Variants in POLI observed in about 807,000 individuals in gnomAD.
POLI encodes the protein DNA polymerase iota.
Under a neutral mutation model 51.6 loss-of-function variants are expected in POLI, and 58 were observed. The observed-to-expected ratio is 1.12, with a 90% CI of 0.91 to 1.40. The LOEUF (loss-of-function observed/expected upper bound fraction) is 1.40, where lower values mean the gene tolerates loss of function less well. POLI is among the 40% of genes most tolerant of loss of function. The pLI is 0.00. For synonymous variants in POLI, 322 were observed against 299.7 expected, an observed-to-expected ratio of 1.07 and a Z score of -0.77; for missense variants, 921 against 871.3, an observed-to-expected ratio of 1.06 and a Z score of -0.72.
rs56194043 is a variant in POLI at position 54,283,918 on chromosome 18, A to G, written c.976-4A>G. On this transcript the variant is annotated splice_region_variant and splice_polypyrimidine_tract_variant and intron_variant, in intron 6 of 9. Coordinates refer to ENST00000579534, the MANE Select transcript of POLI (RefSeq NM_007195.3). ...GCTAATCCTTATTTATGCTTCTTTG[A>G]TAGTCCTTTAGTGAAGAAGATTCAT... 1.5e-4 allele frequency: 170 copies of G among 1,143,012 alleles called. 2 individuals carry two copies. In the East Asian group the frequency reaches 3.8e-3, roughly 25 times the overall value. 70.8% of individuals were successfully genotyped at this position (1,143,012 alleles called of 1,614,324 possible). A position where few individuals can be genotyped will look rare whatever the true frequency, so the allele number is the denominator to read the frequency against.
chr18:54,280,754 T>C lies in POLI; in HGVS notation c.647T>C (p.Leu216Ser). Reference sequence around the variant, plus strand: ...ATGCGGGAAGCCATGTATAATCAGTTGGGGCTCACTGGCTGTGCTGGAGTG... The same window carrying C: ...ATGCGGGAAGCCATGTATAATCAGTCGGGGCTCACTGGCTGTGCTGGAGTG... ...AEMREAMYNQ[L>S]GLTGCAGVAS... is the part of the protein sequence containing the mutation. Residue 216 changes from leucine to serine, a missense_variant, in exon 5 of 10, where the codon TTG becomes TCG. Transcript: ENST00000579534. The C allele has an allele frequency of 6.2e-7, 1 of 1,613,888 alleles. No individual in the cohort carries two copies.
At chr18:54,290,121 C>G (rs2087934170) in intron 8 of POLI, among the ~76,000 whole-genome samples, 1 of 152,160 alleles carries the variant, frequency 6.6e-6, no homozygotes, top group East Asian at 1.9e-4. Context: ...AGAAGTTAAA[C>G]AAATTTACAA....
chr18:54,276,558 A>T (rs3730721), intron 3 of POLI, among the ~76,000 whole-genome samples: 1 of 152,130 alleles, frequency 6.6e-6, no homozygotes, highest in Non-Finnish European at 1.5e-5. Context: ...TGTTTTCTAC[A>T]TGTTACTTTG....
rs148677085 is a variant in POLI, at chr18:54,291,872, T to C, written c.1238T>C (p.Met413Thr). ...ATGACCCCAATGGTTGATATACTTA[T>C]GAAACTTTTTCGAAATATGGTGAAT... ...DVMTPMVDIL[M>T]KLFRNMVNVK... is the part of the protein sequence containing the mutation. Residue 413 changes from methionine (M) to threonine (T), a missense_variant, in exon 9 of 10, where the codon ATG becomes ACG. Met to Thr is a moderately conservative substitution (Grantham distance 81). Transcript: ENST00000579534. 27 of 1,605,102 alleles carry C rather than the reference T, an allele frequency of 1.7e-5. 1 individual carries two copies. The Middle Eastern group carries it at 7.0e-4, about 42-fold the overall frequency.
intron 4 of POLI, 96 bp downstream of exon 4, chr18:54,277,951 C>A: frequency 1.1e-6 from 1 of 929,238 alleles, no homozygotes; most frequent in South Asian, 1.8e-5. Flanking sequence ...AGATTCATGA[C>A]TTTTGTTGGA....
chr18:54,291,926 T>G lies in POLI; in HGVS notation c.1292T>G (p.Leu431Arg). Residue 431 changes from leucine (L) to arginine (R), a missense_variant, in exon 9 of 10, where the codon CTA becomes CGA. Leu to Arg is a moderately radical substitution (Grantham distance 102). Coordinates refer to ENST00000579534, the MANE Select transcript of POLI (RefSeq NM_007195.3). ...NVKMPFHLTL[L>R]SVCFCNLKAL... ...AAGATGCCATTTCACCTTACCCTTC[T>G]AAGTGTGTGCTTCTGCAACCTTAAA... 7.5e-6 allele frequency: 12 copies of G among 1,609,386 alleles called. No homozygotes were observed. The highest frequency in any genetic ancestry group is 1.0e-5 in the Non-Finnish European group (12 of 1,176,108).
chr18:54,312,161 A>G (rs1398851876), intron 3 of POLI, among the ~76,000 whole-genome samples: 1 of 152,064 alleles, frequency 6.6e-6, no homozygotes, highest in Non-Finnish European at 1.5e-5. Flanking sequence ...ACATCCATGC[A>G]TACCCAATGT....
rs140979738 is a variant in POLI at position 54,317,532 on chromosome 18, T to C, written c.334-2741T>C. On this transcript the variant is annotated intron_variant, in intron 3 of 4. Transcript: ENST00000579823. ...GACGAATTGAGTCCCAAAATAATCT[T>C]TAAGTGGTGGATAAATTTTAAAGCA... is the stretch of plus-strand genomic sequence containing the variant. Among the ~76,000 whole-genome samples, 3 of 152,230 alleles carry C rather than the reference T, an allele frequency of 2.0e-5. No individual in the cohort carries two copies. In the East Asian group the frequency reaches 5.8e-4, roughly 29 times the overall value.
rs1050229440 is a variant in POLI at position 54,295,328 on chromosome 18, T to C, written c.*861T>C. On this transcript the variant is annotated 3_prime_UTR_variant, in exon 10 of 10. Coordinates refer to ENST00000579534, the MANE Select transcript of POLI (RefSeq NM_007195.3). ...ATTAGGTTGTCATAACAACCACAAATATAGACCATTACTAAATTGGTGGAT... is the reference window on the plus strand; with the variant it reads ...ATTAGGTTGTCATAACAACCACAAACATAGACCATTACTAAATTGGTGGAT... 2.0e-6 allele frequency: 2 copies of C among 984,918 alleles called. No homozygotes were observed. Among genetic ancestry groups the C allele is most frequent in the East Asian group, 1.1e-4 (1 of 8,828 alleles). 61.0% of individuals were successfully genotyped at this position (984,918 alleles called of 1,614,324 possible).
downstream of POLI, among the ~76,000 whole-genome samples, chr18:54,301,139 C>T (rs759954347): frequency 2.0e-5 from 3 of 151,964 alleles, no homozygotes; most frequent in South Asian, 2.1e-4. Flanking sequence ...AGTAGCTGGG[C>T]GTGGTGGCGG....
intron 7 of POLI, chr18:54,284,791 A>G (rs932785965): frequency 2.0e-5 from 3 of 152,252 alleles, no homozygotes; most frequent in Admixed American, 2.0e-4. Context: ...GGTTATAAAT[A>G]TATGAGTAGT....
At position 54,277,820 on chromosome 18, in the gene POLI, C is replaced by T. The variant is rs140298800; in HGVS notation, c.524C>T (p.Ala175Val). 43 of 1,612,352 alleles carry T rather than the reference C, an allele frequency of 2.7e-5. No individual in the cohort carries two copies. The highest frequency in any genetic ancestry group is 2.5e-4 in the East Asian group (11 of 44,852). The part of the protein sequence containing the change: ...LQQLQSDELS[A>V]VTVSGHVYNN... ...CAGCTGCAAAGTGATGAACTTTCTGCGGTGACTGTGTCGGGTCATGTATAC... is the reference window on the plus strand; with the variant it reads ...CAGCTGCAAAGTGATGAACTTTCTGTGGTGACTGTGTCGGGTCATGTATAC... Residue 175 changes from alanine to valine, a missense_variant, in exon 4 of 10, where the codon GCG becomes GTG. Ala to Val is a moderately conservative substitution (Grantham distance 64). Coordinates refer to ENST00000579534, the MANE Select transcript of POLI (RefSeq NM_007195.3).
intron 7 of POLI, 47 bp from the exon 8 acceptor site, chr18:54,287,234 G>C: frequency 7.3e-7 from 1 of 1,360,570 alleles, no homozygotes; most frequent in Non-Finnish European, 1.0e-6. Flanking sequence ...AATTTAAAAA[G>C]GTAATACTTT....
intron 5 of POLI, among the ~76,000 whole-genome samples, chr18:54,281,964 T>C (rs969942901): frequency 6.6e-6 from 1 of 152,142 alleles, no homozygotes; most frequent in Non-Finnish European, 1.5e-5. Flanking sequence ...AAATAGCCTG[T>C]TTTCTCTTGT....
At chr18:54,281,253 T>G (rs2144513741) in intron 5 of POLI, among the ~76,000 whole-genome samples, 1 of 152,302 alleles carries the variant, frequency 6.6e-6, no homozygotes, top group Non-Finnish European at 1.5e-5. Flanking sequence ...GAGTTCGTCT[T>G]TTACTAACTC....
At chr18:54,278,220 G>A (rs1839095918) in intron 4 of POLI, among the ~76,000 whole-genome samples, 2 of 152,152 alleles carry the variant, frequency 1.3e-5, no homozygotes, top group South Asian at 4.1e-4. Flanking sequence ...CCAGCTGTTT[G>A]GGAGACTGAG....
Position 54,296,025 on chromosome 18 carries a change from GTAAC to G in POLI, c.*1560_*1563del. ...AGGTAGTTTGAGGTTATCAGGAACA[GTAAC>G]TTGAAGCAAGAACATCAGAAATTGT... On this transcript the variant is annotated 3_prime_UTR_variant, in exon 10 of 10. Transcript: ENST00000579534. 1 of 984,860 alleles carries G rather than the reference GTAAC, an allele frequency of 1.0e-6. No individual in the cohort carries two copies. The highest frequency in any genetic ancestry group is 1.2e-6 in the Non-Finnish European group (1 of 829,440). The allele number at this position is 984,860 out of a possible 1,614,324, so 61.0% of individuals were successfully genotyped here.
intron 3 of POLI, among the ~76,000 whole-genome samples, chr18:54,314,888 C>G (rs1175999933): frequency 6.6e-6 from 1 of 152,034 alleles, no homozygotes; most frequent in Non-Finnish European, 1.5e-5. Flanking sequence ...GTCTATCAAT[C>G]TTGTTTATTC....
At chr18:54,269,885 C>A in intron 1 of POLI, 2 of 1,278,324 alleles carry the variant, frequency 1.6e-6, no homozygotes, top group Admixed American at 4.2e-5. Flanking sequence ...ACTACAAATA[C>A]GTGTCGAGGG....
Sources: gnomAD v4.1 joint callset for allele counts (sites outside exome capture counted in the v4.1 genomes callset) on GRCh38, gnomAD v4.1.1 for gene constraint, MANE v1.5 for transcripts, NCBI Gene and HGNC (gene_info 2026-07-23, HGNC 2026-07-21) for gene names.